Variants in ZXDC observed in about 807,000 individuals in gnomAD.
ZXDC encodes the protein ZXD family zinc finger C.
Under a neutral mutation model 63.6 loss-of-function variants are expected in ZXDC, and 58 were observed. The observed-to-expected ratio is 0.91, with a 90% confidence interval of 0.74 to 1.13. The LOEUF is 1.13. Ranked by LOEUF, ZXDC falls within the 50% of genes most tolerant of loss-of-function variation. The pLI is 0.00. For synonymous variants in ZXDC, 561 were observed against 496.1 expected (o/e 1.13, Z -1.74); for missense variants, 1,133 against 1,148.9 (o/e 0.99, Z 0.20).
chr3:126,440,037 T>C (rs1933617057), intron 8 of ZXDC: 6 of 1,203,578 alleles, frequency 5.0e-6, no homozygotes, highest in Non-Finnish European at 6.2e-6. Flanking sequence ...CCTCAACTCC[T>C]TGCAGGTGCC....
Position 126,438,278 on chromosome 3 carries a change from C to A in ZXDC, c.*97G>T. 1 of 1,048,192 alleles carries A rather than the reference C, an allele frequency of 9.5e-7. No homozygotes were observed. Among genetic ancestry groups the A allele is most frequent in the South Asian group, 1.4e-5 (1 of 73,394 alleles). The allele number at this position is 1,048,192 out of a possible 1,614,324, so 64.9% of individuals were successfully genotyped here. ...AAAAGGGCTACGCTGGTCTTCTGAA[C>A]GGAAACCAAATGAGGTCTCCCCAGG... On this transcript the variant is annotated 3_prime_UTR_variant, in exon 10 of 10. Coordinates refer to ENST00000389709, the MANE Select transcript of ZXDC (RefSeq NM_025112.5).
Position 126,475,561 on chromosome 3 carries a change from A to G in ZXDC, c.305T>C (p.Val102Ala), listed in dbSNP as rs1935178493. 3 of 1,411,922 alleles carry G rather than the reference A, an allele frequency of 2.1e-6. No homozygotes were observed. The highest frequency in any genetic ancestry group is 1.4e-5 in the South Asian group (1 of 69,052). The allele number at this position is 1,411,922 out of a possible 1,614,324, so 87.5% of individuals were successfully genotyped here. A position where few individuals can be genotyped will look rare whatever the true frequency, so the allele number is the denominator to read the frequency against. The change falls in exon 1 of 10, where the codon GTC becomes GCC. Residue 102 changes from valine (V) to alanine (A), a missense_variant. Val to Ala is a moderately conservative substitution (Grantham distance 64, BLOSUM62 0). Transcript: ENST00000389709. ...CTGCTCGGGGCGGCTCGCCAGGTTG[A>G]CACGGGAGCCAGGCTCGGCCTCCTG... Reference protein sequence around the residue: ...GSQEAEPGSRVNLASRPEQGP... With the variant: ...GSQEAEPGSRANLASRPEQGP...
chr3:126,459,184 T>C (rs1934423963), intron 7 of ZXDC: 1 of 985,430 alleles, frequency 1.0e-6, no homozygotes, highest in Non-Finnish European at 1.2e-6. Flanking sequence ...GCAAGTAAGT[T>C]GCTAACATTT....
At position 126,475,557 on chromosome 3, in the gene ZXDC, G is replaced by T; in HGVS notation, c.309C>A (p.Asn103Lys). Residue 103 changes from asparagine to lysine, a missense_variant, in exon 1 of 10, where the codon AAC (asparagine) becomes AAA (lysine). Physicochemically the swap from Asn to Lys is moderately conservative, Grantham distance 94. Coordinates refer to ENST00000389709, the MANE Select transcript of ZXDC (RefSeq NM_025112.5). ...GGCCCTGCTCGGGGCGGCTCGCCAG[G>T]TTGACACGGGAGCCAGGCTCGGCCT... ...SQEAEPGSRV[N>K]LASRPEQGPS... The T allele has an allele frequency of 7.1e-7, 1 of 1,406,310 alleles. No homozygotes were observed. The highest frequency in any genetic ancestry group is 9.3e-7 in the Non-Finnish European group (1 of 1,076,886). The allele number at this position is 1,406,310 out of a possible 1,614,324, so 87.1% of individuals were successfully genotyped here.
chr3:126,462,070 T>C lies in ZXDC; in HGVS notation c.1592A>G (p.Glu531Gly), dbSNP rs1934573873. ...AGTCAGGATTCCGGAGTTCAGAGCC[T>C]CATCCGACCCACCTGCAGAACCACT... is the stretch of plus-strand genomic sequence containing the variant. Reference protein sequence around the residue: ...NASGSAGGSDEALNSGILTID... With the variant: ...NASGSAGGSDGALNSGILTID... Residue 531 changes from glutamate (E) to glycine (G), a missense_variant, in exon 6 of 10, where the codon GAG becomes GGG. By Grantham distance (98) the Glu-to-Gly change is moderately conservative. Coordinates refer to ENST00000389709, the MANE Select transcript of ZXDC (RefSeq NM_025112.5). 3 of 1,614,114 alleles carry C rather than the reference T, an allele frequency of 1.9e-6. No individual in the cohort carries two copies. Among genetic ancestry groups the C allele is most frequent in the Non-Finnish European group, 2.5e-6 (3 of 1,180,010 alleles).
chr3:126,443,485 C>G (rs1933758869), intron 7 of ZXDC: 1 of 152,188 alleles, frequency 6.6e-6, no homozygotes, highest in Non-Finnish European at 1.5e-5. Flanking sequence ...CAATGCATAC[C>G]TTAATTTAAA....
At chr3:126,441,225 G>C (rs1933662399) in intron 8 of ZXDC, 1 of 985,848 alleles carries the variant, frequency 1.0e-6, no homozygotes, top group African/African-American at 1.7e-5. Context: ...GGACAGGCTG[G>C]GAGGGGCCTG....
At chr3:126,473,374 C>T (rs949255645) in intron 1 of ZXDC, among the ~76,000 whole-genome samples, 28 of 152,222 alleles carry the variant, frequency 1.8e-4, no homozygotes, top group African/African-American at 6.8e-4. Flanking sequence ...GGTCTGGGCC[C>T]TTTGATGATG....
chr3:126,453,031 A>G, intron 7 of ZXDC: 6 of 985,380 alleles, frequency 6.1e-6, no homozygotes, highest in Non-Finnish European at 7.2e-6. Flanking sequence ...TTTCTGAGAG[A>G]TACCCTTGTC....
intron 7 of ZXDC, chr3:126,459,150 A>C: frequency 1.0e-6 from 1 of 985,486 alleles, no homozygotes; most frequent in Non-Finnish European, 1.2e-6. Flanking sequence ...ATAGGTTACC[A>C]GCTCTTGTTT....
Position 126,475,595 on chromosome 3 carries a change from C to T in ZXDC, c.271G>A (p.Ala91Thr), listed in dbSNP as rs1935182342. Residue 91 changes from alanine (A) to threonine (T), a missense_variant, in exon 1 of 10, where the codon GCC becomes ACC. Physicochemically the swap from Ala to Thr is moderately conservative, Grantham distance 58 (BLOSUM62 0). Coordinates refer to ENST00000389709, the MANE Select transcript of ZXDC (RefSeq NM_025112.5). The part of the protein sequence containing the change: ...VPHGGAAAEA[A>T]GSQEAEPGSR... ...CCAGGCTCGGCCTCCTGTGATCCGG[C>T]AGCCTCGGCGGCAGCGCCGCCGTGC... 6.8e-7 allele frequency: 1 copy of T among 1,467,628 alleles called. No individual in the cohort carries two copies. 90.9% of individuals were successfully genotyped at this position (1,467,628 alleles called of 1,614,324 possible).
At chr3:126,467,017 A>C (rs1245260927) in intron 4 of ZXDC, among the ~76,000 whole-genome samples, 2 of 152,196 alleles carry the variant, frequency 1.3e-5, no homozygotes, top group Non-Finnish European at 2.9e-5. Context: ...CTTGGCGGTC[A>C]GAGGCCTATG....
chr3:126,462,979 C>T (rs551917390), intron 5 of ZXDC, among the ~76,000 whole-genome samples: 3 of 152,322 alleles, frequency 2.0e-5, no homozygotes, highest in Admixed American at 6.5e-5. Flanking sequence ...AGCAGGACTG[C>T]AAGCCTCCTG....
intron 3 of ZXDC, among the ~76,000 whole-genome samples, chr3:126,471,257 T>G (rs1293025853): frequency 6.6e-6 from 1 of 152,176 alleles, no homozygotes; most frequent in Admixed American, 6.5e-5. Flanking sequence ...ATCAAACAAT[T>G]AATGCTACTT....
At chr3:126,472,397 C>A in intron 1 of ZXDC, 92 bp from the exon 2 acceptor site, 1 of 1,451,864 alleles carries the variant, frequency 6.9e-7, no homozygotes, top group South Asian at 1.3e-5. Flanking sequence ...CCTGTTCACA[C>A]TGAAGCAGAC....
In ZXDC at chr3:126,461,584, T is replaced by A. The variant is rs1477579949; in HGVS notation, c.2078A>T (p.His693Leu). ...ACTGAGCTCTGTGTCCTGGGCACCG[T>A]GCTGCTCTGCTGGACTGGGCAACGT... ...QSTLPSPAEQHGAQDTELSAG... is the reference protein window; with the variant it reads ...QSTLPSPAEQLGAQDTELSAG... Residue 693 changes from histidine (H) to leucine (L), a missense_variant, in exon 6 of 10, where the codon CAC becomes CTC. His to Leu is a moderately conservative substitution (Grantham distance 99). Coordinates refer to ENST00000389709, the MANE Select transcript of ZXDC (RefSeq NM_025112.5). 1 of 1,614,208 alleles carries A rather than the reference T, an allele frequency of 6.2e-7. No homozygotes were observed.
intron 7 of ZXDC, among the ~76,000 whole-genome samples, chr3:126,444,510 T>C (rs776703128): frequency 2.3e-4 from 35 of 151,404 alleles, no homozygotes; most frequent in South Asian, 1.0e-3. Context: ...CCAGCCTGGG[T>C]GACAGAGCGA....
At chr3:126,455,612 T>C (rs943472106) in intron 7 of ZXDC, among the ~76,000 whole-genome samples, 1 of 152,124 alleles carries the variant, frequency 6.6e-6, no homozygotes, top group African/African-American at 2.4e-5. Flanking sequence ...AGAATCCAAC[T>C]GAAGGATTGG....
intron 7 of ZXDC, among the ~76,000 whole-genome samples, chr3:126,449,853 C>A (rs1934030202): frequency 6.6e-6 from 1 of 152,176 alleles, no homozygotes; most frequent in African/African-American, 2.4e-5. Flanking sequence ...GTGCTCCATG[C>A]AGGAAAGCAG....
Sources: allele counts gnomAD v4.1 joint callset (sites outside exome capture counted in the v4.1 genomes callset), GRCh38; gene constraint gnomAD v4.1.1; transcripts MANE v1.5; gene names NCBI Gene and HGNC (gene_info 2026-07-23, HGNC 2026-07-21).